SNTG1: variants seen among roughly 807,000 people sequenced by gnomAD.
SNTG1 encodes the protein gamma-1-syntrophin.
A neutral mutation model predicts 74.7 loss-of-function variants in SNTG1; 39 were observed. The observed-to-expected ratio is 0.52, with a 90% CI of 0.40 to 0.68. SNTG1 has a LOEUF of 0.68. Ranked by LOEUF, SNTG1 falls within the 30% of genes least tolerant of loss-of-function variation. The pLI is 0.00. For synonymous variants in SNTG1, 254 were observed against 217.1 expected (o/e 1.17, Z -1.49); for missense variants, 685 against 609.5 (o/e 1.12, Z -1.30).
chr8:49,911,294 G>A (rs1805566584), upstream of SNTG1: 1 of 151,960 alleles, frequency 6.6e-6, no homozygotes, highest in South Asian at 2.1e-4. Flanking sequence ...TTCCAAAGAA[G>A]CTCTGGATTT....
intron 17 of SNTG1, among the ~76,000 whole-genome samples, chr8:50,725,517 A>G (rs1054545442): frequency 5.9e-5 from 9 of 152,202 alleles, no homozygotes; most frequent in Non-Finnish European, 1.2e-4. Flanking sequence ...AACGTCTTTT[A>G]CAAGCATTCA....
chr8:50,320,066 A>G (rs905480419), intron 2 of SNTG1, among the ~76,000 whole-genome samples: 3 of 152,186 alleles, frequency 2.0e-5, no homozygotes, highest in Non-Finnish European at 2.9e-5. Context: ...TGTGTTTCAG[A>G]ACAGTTTGAG....
intron 1 of SNTG1, among the ~76,000 whole-genome samples, chr8:50,035,102 G>T (rs750526048): frequency 2.2e-4 from 33 of 152,098 alleles, no homozygotes; most frequent in Non-Finnish European, 1.9e-4. Context: ...CCTTCTGGTT[G>T]GTTCTTTTCT....
intron 17 of SNTG1, among the ~76,000 whole-genome samples, chr8:50,716,100 T>A (rs1300651359): frequency 1.3e-5 from 2 of 152,142 alleles, no homozygotes; most frequent in Non-Finnish European, 2.9e-5. Flanking sequence ...TGTGCACACA[T>A]ACACACACTT....
intron 1 of SNTG1, among the ~76,000 whole-genome samples, chr8:50,027,422 T>A (rs917524817): frequency 6.6e-6 from 1 of 152,112 alleles, no homozygotes; most frequent in African/African-American, 2.4e-5. Context: ...ACCCAGAACA[T>A]CAGAATGTAA....
At chr8:50,349,367 A>G (rs1199583862) in intron 2 of SNTG1, among the ~76,000 whole-genome samples, 2 of 152,064 alleles carry the variant, frequency 1.3e-5, no homozygotes, top group Admixed American at 1.3e-4. Context: ...TTTAATCTAT[A>G]TATTTTCTTT....
chr8:50,174,741 AG>A (rs1788288756), intron 2 of SNTG1, among the ~76,000 whole-genome samples: 1 of 152,146 alleles, frequency 6.6e-6, no homozygotes, highest in South Asian at 2.1e-4. Context: ...TTTAAGTTTT[AG>A]GGTACATGTG....
intron 1 of SNTG1, among the ~76,000 whole-genome samples, chr8:50,068,644 T>G: frequency 6.6e-6 from 1 of 152,146 alleles, no homozygotes; most frequent in Non-Finnish European, 1.5e-5. Flanking sequence ...ATTTTCTACC[T>G]CTTCTACACA....
chr8:50,075,491 G>T (rs149176066), intron 1 of SNTG1, among the ~76,000 whole-genome samples: 1 of 152,270 alleles, frequency 6.6e-6, no homozygotes, highest in Admixed American at 6.5e-5. Context: ...GATTGTAAAC[G>T]CATTAATCAG....
intron 3 of SNTG1, among the ~76,000 whole-genome samples, chr8:50,394,829 T>A (rs767433830): frequency 1.4e-5 from 2 of 145,584 alleles, no homozygotes; most frequent in Non-Finnish European, 3.0e-5. Flanking sequence ...CCATTCCATC[T>A]TAGGAAGAAA....
At chr8:50,553,006 C>T in intron 11 of SNTG1, 44 bp from the exon 12 acceptor site, 2 of 1,607,980 alleles carry the variant, frequency 1.2e-6, no homozygotes, top group African/African-American at 2.7e-5. Context: ...GCAAATAGAT[C>T]AATGACATGA....
intron 2 of SNTG1, among the ~76,000 whole-genome samples, chr8:50,256,960 T>C (rs1324435432): frequency 2.0e-5 from 3 of 152,280 alleles, no homozygotes; most frequent in East Asian, 1.9e-4. Flanking sequence ...TTCCATGTGA[T>C]GGAAGAGCTA....
intron 13 of SNTG1, among the ~76,000 whole-genome samples, chr8:50,654,931 G>T (rs2095170937): frequency 6.6e-6 from 1 of 152,156 alleles, no homozygotes; most frequent in African/African-American, 2.4e-5. Context: ...GAAGATTCTG[G>T]ACTTTAACAT....
intron 13 of SNTG1, among the ~76,000 whole-genome samples, chr8:50,626,460 G>A (rs1563664180): frequency 6.6e-6 from 1 of 152,120 alleles, no homozygotes. Context: ...GGGAAATCAG[G>A]GGACTCACAG....
chr8:50,385,683 G>T (rs1375164008), intron 2 of SNTG1, among the ~76,000 whole-genome samples: 1 of 152,194 alleles, frequency 6.6e-6, no homozygotes, highest in African/African-American at 2.4e-5. Context: ...GTATATTGCT[G>T]TCCTGGCCAG....
chr8:50,793,778 C>T lies in SNTG1; in HGVS notation c.*949C>T, dbSNP rs561103569. On this transcript the variant is annotated 3_prime_UTR_variant, in exon 19 of 19. Coordinates refer to ENST00000642720, the MANE Select transcript of SNTG1 (RefSeq NM_018967.5). ...ACTAGTTAATCATGAACTAAAATGT[C>T]CCCCGAAAACAGTCCCAAAGCTATT... The T allele has an allele frequency of 1.3e-5, 2 of 151,850 alleles. No homozygotes were observed. Among genetic ancestry groups the T allele is most frequent in the South Asian group, 2.1e-4 (1 of 4,814 alleles). 9.4% of individuals were successfully genotyped at this position (151,850 alleles called of 1,614,324 possible). A position where few individuals can be genotyped will look rare whatever the true frequency, so the allele number is the denominator to read the frequency against.
chr8:50,482,176 C>T (rs762986171), intron 8 of SNTG1, among the ~76,000 whole-genome samples: 1 of 152,160 alleles, frequency 6.6e-6, no homozygotes, highest in Non-Finnish European at 1.5e-5. Context: ...GGCTCTGCTG[C>T]CCCAGGTTGC....
At chr8:50,728,989 T>C (rs1054674008) in intron 17 of SNTG1, among the ~76,000 whole-genome samples, 59 of 152,322 alleles carry the variant, frequency 3.9e-4, no homozygotes, top group African/African-American at 1.4e-3. Context: ...GAGGGGCTGT[T>C]GAAGAGGAAA....
intron 1 of SNTG1, among the ~76,000 whole-genome samples, chr8:50,110,655 A>AGG (rs2080548111): frequency 6.6e-6 from 1 of 152,150 alleles, no homozygotes; most frequent in Non-Finnish European, 1.5e-5. Context: ...AATCCAGGTA[A>AGG]ACATATTTAG....
Sources: gnomAD v4.1 joint callset for allele counts (sites outside exome capture counted in the v4.1 genomes callset) on GRCh38, gnomAD v4.1.1 for gene constraint, MANE v1.5 for transcripts, NCBI Gene and HGNC (gene_info 2026-07-23, HGNC 2026-07-21) for gene names.